The following ARHGAP5 variants were observed in gnomAD, a reference collection of about 807,000 sequenced individuals.
ARHGAP5 encodes rho GTPase-activating protein 5.
A neutral mutation model predicts 116.6 loss-of-function variants in ARHGAP5; 23 were observed. The ratio of observed to expected loss-of-function variants is 0.20; its 90% CI spans 0.14 to 0.28. The LOEUF (loss-of-function observed/expected upper bound fraction) is 0.28. ARHGAP5 is among the 10% of genes least tolerant of loss of function. ARHGAP5 has a pLI of 1.00. For missense variants in ARHGAP5, 1,405 were observed against 1,774.8 expected (o/e 0.79, Z 3.74); for synonymous variants, 574 against 602.0 (o/e 0.95, Z 0.68).
intron 2 of ARHGAP5, among the ~76,000 whole-genome samples, chr14:32,098,725 A>G (rs1878649730): frequency 6.6e-6 from 1 of 152,196 alleles, no homozygotes; most frequent in South Asian, 2.1e-4. Context: ...CTAATAAACC[A>G]TTTTCAAAAA....
At chr14:32,121,641 A>G (rs942370418) in intron 3 of ARHGAP5, among the ~76,000 whole-genome samples, 1 of 152,176 alleles carries the variant, frequency 6.6e-6, no homozygotes, top group African/African-American at 2.4e-5. Flanking sequence ...CAATACACCC[A>G]TTTAAAGTGT....
intron 3 of ARHGAP5, among the ~76,000 whole-genome samples, chr14:32,129,436 G>A (rs907089120): frequency 5.9e-5 from 9 of 152,288 alleles, no homozygotes; most frequent in East Asian, 1.9e-4. Context: ...TCTTTAAAGC[G>A]TAGCAGTTAT....
intron 3 of ARHGAP5, among the ~76,000 whole-genome samples, chr14:32,137,247 C>G (rs1880849815): frequency 6.8e-6 from 1 of 147,460 alleles, no homozygotes; most frequent in Non-Finnish European, 1.5e-5. Flanking sequence ...ATTTTTGTAT[C>G]TAGTATGAGG....
rs1025730625 is a variant in ARHGAP5, at chr14:32,093,157, C to G, written c.2488C>G (p.Gln830Glu). The G allele has an allele frequency of 1.4e-5, 22 of 1,613,840 alleles. No homozygotes were observed. Among genetic ancestry groups the G allele is most frequent in the Non-Finnish European group, 1.6e-5 (19 of 1,179,926 alleles). Residue 830 changes from glutamine (Q) to glutamate (E), a missense_variant, in exon 2 of 7, where the codon CAG (glutamine) becomes GAG (glutamate). By Grantham distance (29) the Gln-to-Glu change is conservative. Coordinates refer to ENST00000345122, the MANE Select transcript of ARHGAP5 (RefSeq NM_001030055.2). ...KIIGEKRRRI[Q>E]ITILSYHSSI... ...CATTGGTGAAAAAAGGAGGCGAATA[C>G]AGATCACAATATTATCATACCACTC...
intron 3 of ARHGAP5, among the ~76,000 whole-genome samples, chr14:32,120,459 A>G (rs1042337105): frequency 1.3e-5 from 2 of 151,898 alleles, no homozygotes; most frequent in Non-Finnish European, 2.9e-5. Context: ...TTCTTAAAAT[A>G]GAAATCTAGA....
At chr14:32,122,994 T>G (rs7148967) in intron 3 of ARHGAP5, among the ~76,000 whole-genome samples, 3,073 of 152,196 alleles carry the variant, frequency 0.02, 110 homozygotes, top group African/African-American at 0.07. Flanking sequence ...TTGCTTTTCA[T>G]TCATCTCTTT....
chr14:32,116,142 C>G lies in ARHGAP5; in HGVS notation c.3718-998C>G, dbSNP rs946365252. Reference sequence around the variant, plus strand: ...TCTCTACTAAAAATACAAAAATTAGCTGGGCGTGGTGGCGGGCGCCTGTAG... The same window carrying G: ...TCTCTACTAAAAATACAAAAATTAGGTGGGCGTGGTGGCGGGCGCCTGTAG... On this transcript the variant is annotated intron_variant, in intron 2 of 6. Coordinates refer to ENST00000345122, the MANE Select transcript of ARHGAP5 (RefSeq NM_001030055.2). Among the ~76,000 whole-genome samples the G allele has an allele frequency of 1.3e-4, 17 of 134,388 alleles. No individual in the cohort carries two copies. The East Asian group carries it at 3.9e-3, about 31-fold the overall frequency. The allele number at this position is 134,388 out of a possible 152,430, so 88.2% of individuals were successfully genotyped here. A position where few individuals can be genotyped will look rare whatever the true frequency, so the allele number is the denominator to read the frequency against.
intron 3 of ARHGAP5, among the ~76,000 whole-genome samples, chr14:32,144,391 T>A (rs1881276841): frequency 1.3e-5 from 2 of 152,044 alleles, no homozygotes; most frequent in African/African-American, 4.8e-5. Flanking sequence ...ATTATTTTGG[T>A]CATCTTTATC....
chr14:32,091,313 T>G lies in ARHGAP5; in HGVS notation c.644T>G (p.Phe215Cys). Residue 215 changes from phenylalanine (F) to cysteine (C), a missense_variant, in exon 2 of 7, where the codon TTT becomes TGT. Transcript: ENST00000345122. ...VDHYLREVQAFASNKKNLLVV... is the reference protein window; with the variant it reads ...VDHYLREVQACASNKKNLLVV... ...CATTATCTTAGAGAAGTTCAGGCAT[T>G]TGCTTCAAATAAAAAGAACCTTCTT... The G allele has an allele frequency of 6.2e-7, 1 of 1,613,570 alleles. No homozygotes were observed. The highest frequency in any genetic ancestry group is 8.5e-7 in the Non-Finnish European group (1 of 1,179,660).
At chr14:32,117,695 A>G (rs1191163469) in intron 3 of ARHGAP5, among the ~76,000 whole-genome samples, 2 of 152,198 alleles carry the variant, frequency 1.3e-5, no homozygotes, top group Non-Finnish European at 2.9e-5. Flanking sequence ...ACTTACAGCA[A>G]TAGTTGTAAA....
intron 2 of ARHGAP5, among the ~76,000 whole-genome samples, chr14:32,095,459 C>T (rs1416102065): frequency 7.2e-6 from 1 of 138,490 alleles, no homozygotes; most frequent in East Asian, 2.1e-4. Flanking sequence ...GTTTCCCAGG[C>T]TGGAGGGTAG....
At chr14:32,139,516 T>C (rs565419724) in intron 3 of ARHGAP5, among the ~76,000 whole-genome samples, 1 of 152,112 alleles carries the variant, frequency 6.6e-6, no homozygotes, top group Non-Finnish European at 1.5e-5. Context: ...AGTATTCTCT[T>C]GTAACCCTTT....
chr14:32,095,992 T>C (rs1484254561), intron 2 of ARHGAP5, among the ~76,000 whole-genome samples: 1 of 152,224 alleles, frequency 6.6e-6, no homozygotes, highest in African/African-American at 2.4e-5. Flanking sequence ...ACCTTTTATT[T>C]TGATGTAATT....
intron 2 of ARHGAP5, among the ~76,000 whole-genome samples, chr14:32,103,540 T>C (rs190171102): frequency 2.6e-5 from 4 of 152,328 alleles, no homozygotes; most frequent in Admixed American, 2.0e-4. Flanking sequence ...TAGTAAATGT[T>C]AAGTATGTGT....
intron 2 of ARHGAP5, among the ~76,000 whole-genome samples, chr14:32,104,982 A>G (rs1260264223): frequency 1.3e-5 from 2 of 152,166 alleles, no homozygotes; most frequent in Non-Finnish European, 2.9e-5. Flanking sequence ...TCTAGTGGGT[A>G]GAAGCCAGGG....
chr14:32,077,491 A>AC (rs1313755352), intron 1 of ARHGAP5, 56 bp downstream of exon 1: 1 of 680,268 alleles, frequency 1.5e-6, no homozygotes, highest in Non-Finnish European at 2.7e-6. Context: ...CCGGACGGGG[A>AC]CCCTCCTGCG....
In ARHGAP5 at chr14:32,111,128, G is replaced by A. The variant is rs1372576380; in HGVS notation, c.3718-6012G>A. Reference sequence around the variant, plus strand: ...AAAAAAGAAGACAATCAGAGCCTGGGGCTGTGGCTCAACCTGTAATTCCAG... The same window carrying A: ...AAAAAAGAAGACAATCAGAGCCTGGAGCTGTGGCTCAACCTGTAATTCCAG... On this transcript the variant is annotated intron_variant, in intron 2 of 6. Transcript: ENST00000345122. Among the ~76,000 whole-genome samples, 4 of 152,278 alleles carry A rather than the reference G, an allele frequency of 2.6e-5. No individual in the cohort carries two copies. In the East Asian group the frequency reaches 7.7e-4, roughly 29 times the overall value.
At chr14:32,105,663 T>C (rs1878983669) in intron 2 of ARHGAP5, among the ~76,000 whole-genome samples, 1 of 152,198 alleles carries the variant, frequency 6.6e-6, no homozygotes, top group South Asian at 2.1e-4. Context: ...TTTTGTTCTT[T>C]GCAGTTTTTC....
chr14:32,129,209 A>G (rs1008610924), intron 3 of ARHGAP5, among the ~76,000 whole-genome samples: 1 of 152,162 alleles, frequency 6.6e-6, no homozygotes, highest in Non-Finnish European at 1.5e-5. Context: ...TAAGTAAATA[A>G]TATATTTTAG....
Sources: gnomAD v4.1 joint callset for allele counts (sites outside exome capture counted in the v4.1 genomes callset) on GRCh38, gnomAD v4.1.1 for gene constraint, MANE v1.5 for transcripts, NCBI Gene and HGNC (gene_info 2026-07-23, HGNC 2026-07-21) for gene names.